PDZD8: variants seen among roughly 807,000 people sequenced by gnomAD.
The protein encoded by PDZD8 is PDZ domain-containing protein 8.
PDZD8 carries 14 observed loss-of-function variants against 85.8 expected under a neutral mutation model. The ratio of observed to expected loss-of-function variants is 0.16; its 90% CI spans 0.11 to 0.26. PDZD8 has a LOEUF of 0.26. Ranked by LOEUF, PDZD8 falls within the 10% of genes least tolerant of loss-of-function variation. The pLI is 1.00. For synonymous variants in PDZD8, 592 were observed against 568.6 expected (o/e 1.04, Z -0.59); for missense variants, 1,197 against 1,424.3 (o/e 0.84, Z 2.57).
chr10:117,278,812 G>A lies in PDZD8; in HGVS notation c.*4456C>T, dbSNP rs771297399. On this transcript the variant is annotated 3_prime_UTR_variant, in exon 5 of 5. Transcript: ENST00000334464. ...TAAGTGCAGTGTGTTTGAAGCAAAC[G>A]AACTTCCAACTCACTTATTTGGCAT... The A allele has an allele frequency of 6.6e-6, 1 of 152,152 alleles. No homozygotes were observed. The highest frequency in any genetic ancestry group is 6.5e-5 in the Admixed American group (1 of 15,268). 9.4% of individuals were successfully genotyped at this position (152,152 alleles called of 1,614,324 possible).
At chr10:117,365,279 A>C (rs1166853793) in intron 1 of PDZD8, among the ~76,000 whole-genome samples, 1 of 152,194 alleles carries the variant, frequency 6.6e-6, no homozygotes, top group African/African-American at 2.4e-5. Context: ...ATGTAATTAT[A>C]AGCATCTGTT....
intron 3 of PDZD8, among the ~76,000 whole-genome samples, chr10:117,299,851 G>T (rs1046207144): frequency 6.6e-6 from 1 of 152,024 alleles, no homozygotes; most frequent in East Asian, 1.9e-4. Context: ...TCCATTGCTG[G>T]TGTGATCTTT....
chr10:117,368,899 A>T (rs1390821774), intron 1 of PDZD8, among the ~76,000 whole-genome samples: 1 of 122,894 alleles, frequency 8.1e-6, no homozygotes, highest in African/African-American at 3.1e-5. Flanking sequence ...TCTGTTGCCC[A>T]GACTGGAATA....
At chr10:117,373,451 C>A (rs1347452879) in intron 1 of PDZD8, among the ~76,000 whole-genome samples, 2 of 151,914 alleles carry the variant, frequency 1.3e-5, no homozygotes, top group Admixed American at 1.3e-4. Flanking sequence ...AACTCCTTTC[C>A]CATCTGCTGT....
chr10:117,354,065 T>C (rs1412190827), intron 1 of PDZD8, among the ~76,000 whole-genome samples: 1 of 152,168 alleles, frequency 6.6e-6, no homozygotes, highest in Non-Finnish European at 1.5e-5. Context: ...AACCTTTTAT[T>C]CCTCCTCTTC....
intron 1 of PDZD8, among the ~76,000 whole-genome samples, chr10:117,359,829 A>G (rs1308124685): frequency 1.3e-5 from 2 of 152,206 alleles, no homozygotes; most frequent in Non-Finnish European, 2.9e-5. Context: ...ATATTAAAAA[A>G]CTGACTTCAG....
chr10:117,339,722 C>T (rs923639355), intron 2 of PDZD8, among the ~76,000 whole-genome samples: 3 of 152,176 alleles, frequency 2.0e-5, no homozygotes, highest in African/African-American at 7.2e-5. Context: ...TGTATAGTTG[C>T]AACAGAGAGC....
intron 2 of PDZD8, among the ~76,000 whole-genome samples, chr10:117,331,093 T>C (rs1844414053): frequency 6.6e-6 from 1 of 152,244 alleles, no homozygotes; most frequent in African/African-American, 2.4e-5. Flanking sequence ...TGTTTTTGTC[T>C]GTTAGCCCTA....
intron 1 of PDZD8, among the ~76,000 whole-genome samples, chr10:117,357,837 G>GA (rs1251515962): frequency 8.1e-6 from 1 of 123,326 alleles, no homozygotes; most frequent in Non-Finnish European, 1.7e-5. Context: ...ACACGATCAG[G>GA]AAAATGTGAA....
At chr10:117,333,599 C>T (rs533724790) in intron 2 of PDZD8, among the ~76,000 whole-genome samples, 5 of 152,200 alleles carry the variant, frequency 3.3e-5, no homozygotes, top group East Asian at 1.9e-4. Context: ...CTAACATAAA[C>T]GGGATTCATA....
chr10:117,341,394 G>A (rs1589578469), intron 1 of PDZD8, among the ~76,000 whole-genome samples: 1 of 152,204 alleles, frequency 6.6e-6, no homozygotes, highest in East Asian at 1.9e-4. Context: ...TGGGGCAGGA[G>A]AGAGACTGTG....
rs541914509 is a variant in PDZD8 at position 117,337,915 on chromosome 10, G to A, written c.995+3065C>T. On this transcript the variant is annotated intron_variant, in intron 2 of 4. Coordinates refer to ENST00000334464, the MANE Select transcript of PDZD8 (RefSeq NM_173791.5). ...TATATGAAGTAATAAGCATTTTTTT[G>A]GTCCTTCTTCCAAAAAGAAAGCACT... Among the ~76,000 whole-genome samples the A allele has an allele frequency of 2.0e-5, 3 of 151,976 alleles. No individual in the cohort carries two copies. The South Asian group carries it at 6.2e-4, about 32-fold the overall frequency.
chr10:117,309,076 T>C (rs1044398072), intron 3 of PDZD8, among the ~76,000 whole-genome samples: 1 of 152,158 alleles, frequency 6.6e-6, no homozygotes, highest in African/African-American at 2.4e-5. Context: ...TGGATTTTTA[T>C]AGGAAGGTGC....
At position 117,279,452 on chromosome 10, in the gene PDZD8, T is replaced by C. The variant is rs1844548115; in HGVS notation, c.*3816A>G. Reference sequence around the variant, plus strand: ...CATGTTTTGTGCCTGTTTGTATTCCTTTATAAACCAAATGTTGTTGGAATA... The same window carrying C: ...CATGTTTTGTGCCTGTTTGTATTCCCTTATAAACCAAATGTTGTTGGAATA... On this transcript the variant is annotated 3_prime_UTR_variant, in exon 5 of 5. Transcript: ENST00000334464. 1 of 152,230 alleles carries C rather than the reference T, an allele frequency of 6.6e-6. No individual in the cohort carries two copies. The highest frequency in any genetic ancestry group is 1.5e-5 in the Non-Finnish European group (1 of 68,032). The allele number at this position is 152,230 out of a possible 1,614,324, so 9.4% of individuals were successfully genotyped here.
intron 1 of PDZD8, among the ~76,000 whole-genome samples, chr10:117,349,766 G>A (rs143084446): frequency 0.013 from 2,016 of 152,026 alleles, 25 homozygotes; most frequent in Non-Finnish European, 0.023. Context: ...TCACAACACC[G>A]CACTTCAGCC....
At chr10:117,317,715 T>C (rs1355395855) in intron 3 of PDZD8, among the ~76,000 whole-genome samples, 1 of 152,190 alleles carries the variant, frequency 6.6e-6, no homozygotes, top group East Asian at 1.9e-4. Context: ...CTAATGCTAG[T>C]TATTTCAATC....
chr10:117,332,894 G>A (rs1304272601), intron 2 of PDZD8, among the ~76,000 whole-genome samples: 4 of 151,144 alleles, frequency 2.6e-5, no homozygotes, highest in Non-Finnish European at 1.5e-5. Flanking sequence ...AAGGCAGGCA[G>A]ATCACTTGAG....
rs967517420 is a variant in PDZD8, at chr10:117,279,234, T to A, written c.*4034A>T. 2.0e-5 allele frequency: 3 copies of A among 152,256 alleles called. No individual in the cohort carries two copies. Among genetic ancestry groups the A allele is most frequent in the East Asian group, 1.9e-4 (1 of 5,202 alleles). 9.4% of individuals were successfully genotyped at this position (152,256 alleles called of 1,614,324 possible). On this transcript the variant is annotated 3_prime_UTR_variant, in exon 5 of 5. Coordinates refer to ENST00000334464, the MANE Select transcript of PDZD8 (RefSeq NM_173791.5). ...GCAAGACTGGAAAGAGGTGTTTTTT[T>A]AAAATGTACATACCAGAACAAAGAA...
chr10:117,358,363 G>T (rs1329751188), intron 1 of PDZD8, among the ~76,000 whole-genome samples: 1 of 152,074 alleles, frequency 6.6e-6, no homozygotes, highest in African/African-American at 2.4e-5. Context: ...ATTTATTAGG[G>T]TGGTGCAAAC....
Sources: allele counts gnomAD v4.1 joint callset (sites outside exome capture counted in the v4.1 genomes callset), GRCh38; gene constraint gnomAD v4.1.1; transcripts MANE v1.5; gene names NCBI Gene and HGNC (gene_info 2026-07-23, HGNC 2026-07-21).